CALN1: variants seen among roughly 807,000 people sequenced by gnomAD.
CALN1 encodes calneuron 1.
In CALN1, 17 loss-of-function variants were observed where a neutral mutation model predicts 30.6. That is an observed-to-expected ratio of 0.56 (90% CI 0.38 to 0.83). CALN1 has a LOEUF of 0.83. Among genes scored for constraint, CALN1 ranks in the 40% least tolerant of loss-of-function variants. The probability of loss-of-function intolerance (pLI) is 0.00; values close to 1 mark genes in which losing one functional copy is unlikely to be tolerated. For synonymous variants in CALN1, 156 were observed against 131.4 expected (o/e 1.19, Z -1.28); for missense variants, 291 against 354.9 (o/e 0.82, Z 1.45).
intron 2 of CALN1, among the ~76,000 whole-genome samples, chr7:72,312,091 G>A (rs1035768545): frequency 6.6e-6 from 1 of 152,026 alleles, no homozygotes; most frequent in African/African-American, 2.4e-5. Context: ...TAGACTACAA[G>A]AAGCATTCTG....
At chr7:72,264,398 T>C (rs1019728582) in intron 3 of CALN1, among the ~76,000 whole-genome samples, 2 of 152,034 alleles carry the variant, frequency 1.3e-5, no homozygotes, top group African/African-American at 2.4e-5. Context: ...ACAAAATATA[T>C]CTTCAAAAAA....
At chr7:72,272,547 G>A (rs1184940800) in intron 3 of CALN1, among the ~76,000 whole-genome samples, 1 of 152,074 alleles carries the variant, frequency 6.6e-6, no homozygotes, top group Admixed American at 6.6e-5. Flanking sequence ...AGGCGACAGA[G>A]CCAGACTCTG....
chr7:72,448,195 T>C (rs1201951318), upstream of CALN1, among the ~76,000 whole-genome samples: 1 of 152,212 alleles, frequency 6.6e-6, no homozygotes, highest in Non-Finnish European at 1.5e-5. Context: ...TTTCCAGCCA[T>C]GTGCCTGCAG....
At position 71,979,869 on chromosome 7, in the gene CALN1, C is replaced by CTTTTTTTTTTTT. The variant is rs555621436; in HGVS notation, c.501+43776_501+43787dup. Among the ~76,000 whole-genome samples the CTTTTTTTTTTTT allele has an allele frequency of 5.1e-4, 46 of 89,686 alleles. 1 individual carries two copies. Among genetic ancestry groups the CTTTTTTTTTTTT allele is most frequent in the African/African-American group, 1.9e-3 (44 of 23,544 alleles). 58.8% of individuals were successfully genotyped at this position (89,686 alleles called of 152,430 possible). On this transcript the variant is annotated intron_variant, in intron 5 of 6. Coordinates refer to ENST00000395275, the MANE Select transcript of CALN1 (RefSeq NM_031468.4). ...ATAAAATCTCAGACACATCAGGATT[C>CTTTTTTTTTTTT]TTTTTTTTTTTTTTTTTTTTTTTTT...
intron 5 of CALN1, among the ~76,000 whole-genome samples, chr7:71,995,143 C>A (rs550370403): frequency 2.0e-5 from 3 of 152,060 alleles, no homozygotes; most frequent in African/African-American, 7.2e-5. Flanking sequence ...TGAGCCACTG[C>A]GCCTGGCGCC....
intron 5 of CALN1, among the ~76,000 whole-genome samples, chr7:71,943,761 T>C (rs1796259018): frequency 6.6e-6 from 1 of 152,050 alleles, no homozygotes; most frequent in African/African-American, 2.4e-5. Context: ...TTTCTCATAG[T>C]GCTGTTGGGA....
chr7:71,966,219 A>G (rs1183625792), intron 5 of CALN1, among the ~76,000 whole-genome samples: 2 of 152,224 alleles, frequency 1.3e-5, no homozygotes, highest in Admixed American at 6.6e-5. Flanking sequence ...GACAATACAA[A>G]TTAGTGTGGC....
chr7:72,159,755 G>A (rs903908042), intron 3 of CALN1, among the ~76,000 whole-genome samples: 3 of 152,230 alleles, frequency 2.0e-5, no homozygotes, highest in East Asian at 1.9e-4. Flanking sequence ...CCAAGATCAC[G>A]CCACTGCACT....
intron 6 of CALN1, among the ~76,000 whole-genome samples, chr7:71,809,426 C>T (rs909532313): frequency 2.3e-5 from 3 of 132,936 alleles, no homozygotes; most frequent in African/African-American, 8.7e-5. Flanking sequence ...GTCTATGTGA[C>T]AGCTTCCCAA....
At chr7:72,491,532 G>T in the CALN1 span, among the ~76,000 whole-genome samples, 2 of 152,130 alleles carry the variant, frequency 1.3e-5, no homozygotes, top group Admixed American at 1.3e-4. Flanking sequence ...TTGCACTACT[G>T]CAGCCCAGCC....
chr7:72,059,964 AAG>A lies in CALN1; in HGVS notation c.389-36197_389-36196del, dbSNP rs1803534905. 6.9e-5 allele frequency among the ~76,000 whole-genome samples: 7 copies of A among 101,476 alleles called. No individual in the cohort carries two copies. In the South Asian group the frequency reaches 2.6e-3, roughly 38 times the overall value. 66.6% of individuals were successfully genotyped at this position (101,476 alleles called of 152,430 possible). A position where few individuals can be genotyped will look rare whatever the true frequency, so the allele number is the denominator to read the frequency against. On this transcript the variant is annotated intron_variant, in intron 4 of 6. Transcript: ENST00000395275. ...AGTTGTAGTAGCAGGTGATTTGGAGAAGACCTGAATTTAAAGTACCACCAAAC... is the reference window on the plus strand; with the variant it reads ...AGTTGTAGTAGCAGGTGATTTGGAGAACCTGAATTTAAAGTACCACCAAAC...
At chr7:72,302,238 A>G (rs576497090) in intron 2 of CALN1, among the ~76,000 whole-genome samples, 5 of 152,338 alleles carry the variant, frequency 3.3e-5, no homozygotes, top group African/African-American at 1.2e-4. Flanking sequence ...AATGCCTGTC[A>G]GCTGCTATAT....
At chr7:72,183,907 C>CT (rs900753487) in intron 3 of CALN1, among the ~76,000 whole-genome samples, 123 of 150,120 alleles carry the variant, frequency 8.2e-4, no homozygotes, top group African/African-American at 2.1e-3. Context: ...GAAAAACTGA[C>CT]TTTTTTTTTT....
intron 2 of CALN1, among the ~76,000 whole-genome samples, chr7:72,324,166 G>C (rs1470849298): frequency 2.0e-5 from 3 of 152,116 alleles, no homozygotes; most frequent in Non-Finnish European, 2.9e-5. Context: ...CAGGCCCCAG[G>C]AGACTCCTGG....
At chr7:72,175,205 C>T (rs57328457) in intron 3 of CALN1, among the ~76,000 whole-genome samples, 38,247 of 151,610 alleles carry the variant, frequency 0.25, 5,850 homozygotes, top group Non-Finnish European at 0.35. Context: ...TCCCGAGTAG[C>T]TGAGACTACA....
rs565796282 is a variant in CALN1 at position 72,144,299 on chromosome 7, A to C, written c.245-38005T>G. ...GAGGAAGATCTACCAAGCAAATGGAAAACAAAAAAAGGCAGGGGTTGCAAT... is the reference window on the plus strand; with the variant it reads ...GAGGAAGATCTACCAAGCAAATGGACAACAAAAAAAGGCAGGGGTTGCAAT... On this transcript the variant is annotated intron_variant, in intron 3 of 6. Transcript: ENST00000395275. 1.7e-3 allele frequency among the ~76,000 whole-genome samples: 257 copies of C among 152,312 alleles called. 1 individual carries two copies. The highest frequency in any genetic ancestry group is 6.0e-3 in the African/African-American group (248 of 41,574).
chr7:72,096,040 A>AAAAG (rs1806195497), intron 4 of CALN1, among the ~76,000 whole-genome samples: 3 of 121,236 alleles, frequency 2.5e-5, no homozygotes, highest in Admixed American at 8.8e-5. Flanking sequence ...CCTTGTCTCT[A>AAAAG]AAAGATAGAT....
the CALN1 span, among the ~76,000 whole-genome samples, chr7:72,469,658 C>A: frequency 6.6e-6 from 1 of 152,166 alleles, no homozygotes; most frequent in East Asian, 1.9e-4. Context: ...GTAGGCCTCC[C>A]AAATTGCTGG....
intron 2 of CALN1, among the ~76,000 whole-genome samples, chr7:72,321,079 T>C (rs1358892256): frequency 6.6e-6 from 1 of 152,212 alleles, no homozygotes; most frequent in African/African-American, 2.4e-5. Flanking sequence ...GTAAGTATGC[T>C]GCCTCAATCT....
Sources: allele counts gnomAD v4.1 joint callset (sites outside exome capture counted in the v4.1 genomes callset), GRCh38; gene constraint gnomAD v4.1.1; transcripts MANE v1.5; gene names NCBI Gene and HGNC (gene_info 2026-07-23, HGNC 2026-07-21).